SIL1: variants seen among roughly 807,000 people sequenced by gnomAD.
SIL1 encodes the protein nucleotide exchange factor SIL1.
A neutral mutation model predicts 49.1 loss-of-function variants in SIL1; 40 were observed. That is an observed-to-expected ratio of 0.81 (90% CI 0.63 to 1.06). The LOEUF is 1.06. Ranked by LOEUF, SIL1 falls within the 50% of genes least tolerant of loss-of-function variation. The pLI is 0.00. For synonymous variants in SIL1, 253 were observed against 250.8 expected (o/e 1.01, Z -0.08); for missense variants, 500 against 572.6 (o/e 0.87, Z 1.29).
chr5:139,090,508 T>G (rs1581092320), intron 3 of SIL1, among the ~76,000 whole-genome samples: 1 of 152,180 alleles, frequency 6.6e-6, no homozygotes, highest in Non-Finnish European at 1.5e-5. Flanking sequence ...TACTGGTGCA[T>G]GAATAGACAG....
At chr5:139,084,292 C>T (rs1208595632) in intron 3 of SIL1, among the ~76,000 whole-genome samples, 30 of 145,796 alleles carry the variant, frequency 2.1e-4, no homozygotes, top group African/African-American at 7.4e-4. Flanking sequence ...GGGTATATAC[C>T]CAAAGGGCTA....
chr5:139,051,045 C>A lies in SIL1; in HGVS notation c.246G>T (p.Gly82=). ...CGTGGGATCCTGCAGGGACAGCCTG[C>A]CCTAAAAGCCAAGAAGAGAAAAGGC... ...PTHEWQALQP[G]QAVPAGSHVR... Residue 82 remains glycine, a splice_region_variant and synonymous_variant, in exon 4 of 10, where the codon GGG becomes GGT. Coordinates refer to ENST00000394817, the MANE Select transcript of SIL1 (RefSeq NM_022464.5). 6.2e-7 allele frequency: 1 copy of A among 1,614,062 alleles called. No homozygotes were observed.
intron 3 of SIL1, among the ~76,000 whole-genome samples, chr5:139,052,679 G>A (rs1025062662): frequency 4.6e-5 from 7 of 151,758 alleles, no homozygotes; most frequent in Non-Finnish European, 1.0e-4. Flanking sequence ...GCAAGACTCC[G>A]TCTCAAAAAA....
intron 4 of SIL1, among the ~76,000 whole-genome samples, chr5:139,047,046 A>C (rs1769182613): frequency 6.6e-6 from 1 of 152,168 alleles, no homozygotes; most frequent in Non-Finnish European, 1.5e-5. Context: ...GAAATAAATA[A>C]ATGGAGGAAG....
chr5:139,060,151 C>T (rs1191019643), intron 3 of SIL1, among the ~76,000 whole-genome samples: 2 of 152,182 alleles, frequency 1.3e-5, no homozygotes, highest in African/African-American at 4.8e-5. Flanking sequence ...GCTCCTGCCC[C>T]TCCATATCCT....
chr5:138,987,717 G>A (rs1258208631), intron 7 of SIL1, among the ~76,000 whole-genome samples: 1 of 152,166 alleles, frequency 6.6e-6, no homozygotes, highest in African/African-American at 2.4e-5. Context: ...CTACCCTGAG[G>A]ATAATCTCTT....
intron 1 of SIL1, among the ~76,000 whole-genome samples, chr5:139,181,165 T>C (rs1211224069): frequency 6.6e-6 from 1 of 152,194 alleles, no homozygotes; most frequent in Non-Finnish European, 1.5e-5. Flanking sequence ...AATTATGCAG[T>C]GCTCTCTCCT....
chr5:139,056,232 C>G (rs938970185), intron 3 of SIL1, among the ~76,000 whole-genome samples: 13 of 151,106 alleles, frequency 8.6e-5, no homozygotes, highest in Non-Finnish European at 1.5e-5. Context: ...TGAGGAGCGC[C>G]TCTTCCCGGC....
In SIL1 at chr5:139,026,802, T is replaced by C. The variant is rs758955215; in HGVS notation, c.644A>G (p.Gln215Arg). Reference sequence around the variant, plus strand: ...CTTATGGACGAAGAAATACAGTACCTGATGGACATAATATTCAAGATCAAA... The same window carrying C: ...CTTATGGACGAAGAAATACAGTACCCGATGGACATAATATTCAAGATCAAA... ...ALFDLEYYVH[Q>R]MDNAQDLLSF... Residue 215 changes from glutamine to arginine, a missense_variant and splice_region_variant, in exon 6 of 10, where the codon CAG becomes CGG. Transcript: ENST00000394817. 20 of 1,613,956 alleles carry C rather than the reference T, an allele frequency of 1.2e-5. No homozygotes were observed. The Admixed American group carries it at 3.3e-4, about 27-fold the overall frequency.
chr5:139,097,563 CA>C (rs1363861613), intron 3 of SIL1, among the ~76,000 whole-genome samples: 3 of 151,340 alleles, frequency 2.0e-5, no homozygotes, highest in Non-Finnish European at 4.4e-5. Context: ...CTGCAACCTC[CA>C]CCTCCCCAGT....
chr5:139,159,146 C>T (rs770363763), intron 1 of SIL1, among the ~76,000 whole-genome samples: 4 of 151,722 alleles, frequency 2.6e-5, no homozygotes, highest in African/African-American at 7.3e-5. Context: ...GCAGCACATG[C>T]GCAAAACAGT....
At chr5:139,023,889 C>T (rs1768585838) in intron 6 of SIL1, among the ~76,000 whole-genome samples, 1 of 152,222 alleles carries the variant, frequency 6.6e-6, no homozygotes, top group Non-Finnish European at 1.5e-5. Flanking sequence ...ACCAATGATC[C>T]AGAACATTTC....
rs150263748 is a variant in SIL1, at chr5:138,948,196, C to T, written c.1030-723G>A. Among the ~76,000 whole-genome samples, 50 of 152,312 alleles carry T rather than the reference C, an allele frequency of 3.3e-4. No individual in the cohort carries two copies. In the East Asian group the frequency reaches 9.5e-3, roughly 29 times the overall value. On this transcript the variant is annotated intron_variant, in intron 9 of 9. Coordinates refer to ENST00000394817, the MANE Select transcript of SIL1 (RefSeq NM_022464.5). This position sits in a 1 kb window ranked among gnomAD's most constrained non-coding sequence, Gnocchi z 4.8. ...GGAAGCCCAGGAGAAGAGGAGGCCA[C>T]AGTGGACCACCTGTGCTTCCTGCGG...
At chr5:139,023,682 T>G (rs1032644882) in intron 6 of SIL1, among the ~76,000 whole-genome samples, 2 of 152,162 alleles carry the variant, frequency 1.3e-5, no homozygotes, top group African/African-American at 4.8e-5. Context: ...CACCATTCAG[T>G]GAGTCTGGAA....
At chr5:139,166,286 A>G (rs1751623067) in intron 1 of SIL1, among the ~76,000 whole-genome samples, 1 of 152,236 alleles carries the variant, frequency 6.6e-6, no homozygotes, top group Non-Finnish European at 1.5e-5. Context: ...TAAGATGACA[A>G]TGGAGCTGAA....
At chr5:139,033,962 T>C (rs1456695294) in intron 5 of SIL1, among the ~76,000 whole-genome samples, 4 of 152,222 alleles carry the variant, frequency 2.6e-5, no homozygotes, top group African/African-American at 4.8e-5. Context: ...TTCTTTCTTT[T>C]AGTTCTGTTA....
intron 3 of SIL1, among the ~76,000 whole-genome samples, chr5:139,105,639 G>A (rs376199759): frequency 3.3e-5 from 5 of 152,292 alleles, no homozygotes; most frequent in South Asian, 2.1e-4. Context: ...ATGCAGGCCC[G>A]GGAGTGCAGA....
In SIL1 at chr5:139,121,113, T is replaced by C. The variant is rs1308631441; in HGVS notation, c.166A>G (p.Thr56Ala). ...GCATCCAGCTCCTCCTCGGCTTTGG[T>C]TTCTTTTCTCTCTGTTTCTTTGGTG... is the stretch of plus-strand genomic sequence containing the variant. ...SSTKETERKETKAEEELDAEV... is the reference protein window; with the variant it reads ...SSTKETERKEAKAEEELDAEV... Residue 56 changes from threonine (T) to alanine (A), a missense_variant, in exon 3 of 10, where the codon ACC (threonine) becomes GCC (alanine). Coordinates refer to ENST00000394817, the MANE Select transcript of SIL1 (RefSeq NM_022464.5). 3 of 1,614,064 alleles carry C rather than the reference T, an allele frequency of 1.9e-6. No individual in the cohort carries two copies. Among genetic ancestry groups the C allele is most frequent in the Admixed American group, 3.3e-5 (2 of 60,004 alleles).
chr5:138,956,812 A>C (rs982536954), intron 7 of SIL1, among the ~76,000 whole-genome samples: 4 of 152,142 alleles, frequency 2.6e-5, no homozygotes, highest in African/African-American at 9.7e-5. Flanking sequence ...ACAACAACAA[A>C]AAACAAAAAA....
Sources: allele counts gnomAD v4.1 joint callset (sites outside exome capture counted in the v4.1 genomes callset), GRCh38; gene constraint gnomAD v4.1.1; non-coding constraint Gnocchi (gnomAD v3.1); transcripts MANE v1.5; gene names NCBI Gene and HGNC (gene_info 2026-07-23, HGNC 2026-07-21).